SCHIP1: variants seen among roughly 807,000 people sequenced by gnomAD.
The protein encoded by SCHIP1 is schwannomin interacting protein 1.
A neutral mutation model predicts 29.7 loss-of-function variants in SCHIP1; 8 were observed. That is an observed-to-expected ratio of 0.27 (90% confidence interval 0.16 to 0.49). The LOEUF (loss-of-function observed/expected upper bound fraction) is 0.49, where lower values mean the gene tolerates loss of function less well. SCHIP1 is among the 20% of genes least tolerant of loss of function. SCHIP1 has a pLI of 0.99. For synonymous variants in SCHIP1, 76 were observed against 94.9 expected, an observed-to-expected ratio of 0.80 and a Z score of 1.16; for missense variants, 193 against 294.6, an observed-to-expected ratio of 0.66 and a Z score of 2.52.
the SCHIP1 span, among the ~76,000 whole-genome samples, chr3:159,605,391 T>C: frequency 1.3e-5 from 2 of 152,196 alleles, no homozygotes; most frequent in Non-Finnish European, 2.9e-5. Flanking sequence ...AACTCCTGAG[T>C]GAACTCAGTG....
the SCHIP1 span, among the ~76,000 whole-genome samples, chr3:159,505,328 C>A: frequency 6.6e-6 from 1 of 151,910 alleles, no homozygotes; most frequent in Non-Finnish European, 1.5e-5. Flanking sequence ...CATGATTTTC[C>A]AAATAATTTG....
the SCHIP1 span, among the ~76,000 whole-genome samples, chr3:159,570,498 G>C: frequency 6.6e-6 from 1 of 152,108 alleles, no homozygotes; most frequent in African/African-American, 2.4e-5. Context: ...TGTTCTATTG[G>C]TCTATATATC....
At chr3:159,872,402 T>C (rs1027912090) in intron 2 of SCHIP1, among the ~76,000 whole-genome samples, 34 of 152,088 alleles carry the variant, frequency 2.2e-4, no homozygotes, top group Admixed American at 2.2e-3. Flanking sequence ...TTTCCATGCC[T>C]GCCCTTTGGT....
the SCHIP1 span, among the ~76,000 whole-genome samples, chr3:159,795,107 G>A: frequency 1.3e-5 from 2 of 152,188 alleles, no homozygotes; most frequent in Non-Finnish European, 2.9e-5. Context: ...ATAGAGCTGC[G>A]ATATAGATGT....
At chr3:159,543,838 T>C in the SCHIP1 span, among the ~76,000 whole-genome samples, 4 of 152,152 alleles carry the variant, frequency 2.6e-5, no homozygotes, top group Admixed American at 6.6e-5. Context: ...CCACCAACAG[T>C]GTAAAAGTGT....
the SCHIP1 span, among the ~76,000 whole-genome samples, chr3:159,614,618 T>A: frequency 6.6e-6 from 1 of 152,206 alleles, no homozygotes; most frequent in Admixed American, 6.5e-5. Flanking sequence ...CCCTAACCTA[T>A]CTCAACCCTT....
the SCHIP1 span, among the ~76,000 whole-genome samples, chr3:159,489,397 T>A: frequency 6.6e-6 from 1 of 152,226 alleles, no homozygotes; most frequent in African/African-American, 2.4e-5. Context: ...ATACACACAC[T>A]ATCCCTGAAT....
chr3:159,288,120 T>G, the SCHIP1 span, among the ~76,000 whole-genome samples: 3 of 152,144 alleles, frequency 2.0e-5, no homozygotes, highest in Non-Finnish European at 4.4e-5. Context: ...AATTGTAGAA[T>G]CATGTCATAC....
the SCHIP1 span, among the ~76,000 whole-genome samples, chr3:159,485,712 G>A: frequency 6.6e-6 from 1 of 152,090 alleles, no homozygotes; most frequent in Non-Finnish European, 1.5e-5. Flanking sequence ...TTGTAAAACA[G>A]GCAGCATAAT....
At chr3:159,725,164 C>G in the SCHIP1 span, among the ~76,000 whole-genome samples, 1 of 152,050 alleles carries the variant, frequency 6.6e-6, no homozygotes, top group Non-Finnish European at 1.5e-5. Context: ...CAAGGGTGAC[C>G]AAGATACCTC....
At chr3:159,391,109 G>A in the SCHIP1 span, among the ~76,000 whole-genome samples, 7 of 152,122 alleles carry the variant, frequency 4.6e-5, no homozygotes, top group Admixed American at 1.3e-4. Context: ...GTGGGGACAC[G>A]CAGGGAATAG....
rs1440922016 is a variant in SCHIP1, at chr3:159,842,997, C to CT, written c.30+2786dup. On this transcript the variant is annotated intron_variant, in intron 1 of 6. Transcript: ENST00000445224. The stretch of plus-strand genomic sequence containing the variant: ...GCTCTCCAGTTCTATCCCAATATTT[C>CT]TTTCTTTTTTTTTTTTTTTTTTTTT... 2.5e-3 allele frequency among the ~76,000 whole-genome samples: 157 copies of CT among 61,746 alleles called. 20 individuals are homozygous for CT. Among genetic ancestry groups the CT allele is most frequent in the South Asian group, 5.4e-3 (7 of 1,288 alleles). The allele number at this position is 61,746 out of a possible 152,430, so 40.5% of individuals were successfully genotyped here. A position where few individuals can be genotyped will look rare whatever the true frequency, so the allele number is the denominator to read the frequency against.
intron 2 of SCHIP1, among the ~76,000 whole-genome samples, chr3:159,881,807 T>A (rs1716463721): frequency 6.6e-6 from 1 of 152,224 alleles, no homozygotes. Context: ...CTTAGGATCC[T>A]ATAGGTCAGC....
the SCHIP1 span, among the ~76,000 whole-genome samples, chr3:159,715,153 C>T: frequency 2.0e-5 from 3 of 152,322 alleles, no homozygotes; most frequent in Non-Finnish European, 4.4e-5. Flanking sequence ...GGACCTCCAG[C>T]AAACTCCAAC....
the SCHIP1 span, among the ~76,000 whole-genome samples, chr3:159,662,926 T>C: frequency 6.6e-6 from 1 of 152,218 alleles, no homozygotes; most frequent in African/African-American, 2.4e-5. Flanking sequence ...TCACTTTTCA[T>C]TGAATTGTGT....
chr3:159,302,625 A>G, the SCHIP1 span, among the ~76,000 whole-genome samples: 1 of 152,214 alleles, frequency 6.6e-6, no homozygotes, highest in East Asian at 1.9e-4. Context: ...CCCACTATGA[A>G]AGTAGGTTTG....
At chr3:159,795,573 G>T in the SCHIP1 span, among the ~76,000 whole-genome samples, 1 of 152,198 alleles carries the variant, frequency 6.6e-6, no homozygotes, top group Non-Finnish European at 1.5e-5. Context: ...CCAGACAGGG[G>T]TTCCTGACAT....
chr3:159,783,199 A>G, the SCHIP1 span, among the ~76,000 whole-genome samples: 11 of 152,374 alleles, frequency 7.2e-5, 2 homozygotes, highest in Non-Finnish European at 5.9e-5. Context: ...GGAGAGGCAC[A>G]TCAAACAAAC....
chr3:159,535,464 G>A, the SCHIP1 span, among the ~76,000 whole-genome samples: 4 of 152,140 alleles, frequency 2.6e-5, no homozygotes, highest in Non-Finnish European at 4.4e-5. Context: ...TGGTCCTCAG[G>A]TCCTGCTTCC....
Sources: allele counts gnomAD v4.1 joint callset (sites outside exome capture counted in the v4.1 genomes callset), GRCh38; gene constraint gnomAD v4.1.1; transcripts MANE v1.5; gene names NCBI Gene and HGNC (gene_info 2026-07-23, HGNC 2026-07-21).